CHRNA6: variants seen among roughly 807,000 people sequenced by gnomAD.
CHRNA6 encodes cholinergic receptor nicotinic alpha 6 subunit.
In CHRNA6, 31 loss-of-function variants were observed where a neutral mutation model predicts 40.9. The observed-to-expected ratio is 0.76, with a 90% CI of 0.57 to 1.02. CHRNA6 has a LOEUF of 1.02. Among genes scored for constraint, CHRNA6 ranks in the 50% least tolerant of loss-of-function variants. The pLI is 0.00. For missense variants in CHRNA6, 546 were observed against 596.6 expected (o/e 0.92, Z 0.88); for synonymous variants, 222 against 221.3 (o/e 1.00, Z -0.03).
intron 1 of CHRNA6, among the ~76,000 whole-genome samples, chr8:42,766,299 T>C (rs1412425049): frequency 1.3e-5 from 2 of 152,156 alleles, no homozygotes; most frequent in African/African-American, 4.8e-5. Context: ...GAGACCATCC[T>C]GGCTAACACG....
intron 5 of CHRNA6, 80 bp downstream of exon 5, chr8:42,755,766 T>G (rs1816788322): frequency 1.4e-6 from 2 of 1,468,376 alleles, no homozygotes; most frequent in Non-Finnish European, 1.9e-6. Flanking sequence ...AAAGTCACAC[T>G]GAAGGTCTGA....
rs778775487 is a variant in CHRNA6, at chr8:42,765,079, G to T, written c.205C>A (p.Gln69Lys). The T allele has an allele frequency of 6.2e-7, 1 of 1,613,974 alleles. No homozygotes were observed. Among genetic ancestry groups the T allele is most frequent in the African/African-American group, 1.3e-5 (1 of 74,930 alleles). ...AGGGCACTCACCACGTTGGCCAGCTGGGTGATGGCCACTTCAAAGTGTACC... is the reference window on the plus strand; with the variant it reads ...AGGGCACTCACCACGTTGGCCAGCTTGGTGATGGCCACTTCAAAGTGTACC... ...VTVHFEVAIT[Q>K]LANVDEVNQI... The change falls in exon 2 of 6, where the codon CAG (glutamine) becomes AAG (lysine). Residue 69 changes from glutamine (Q) to lysine (K), a missense_variant. Physicochemically the swap from Gln to Lys is moderately conservative, Grantham distance 53. Around this residue, in one of 3 missense-constraint regions of CHRNA6, gnomAD observed 476 missense variants for 494.5 expected, o/e 0.96. Coordinates refer to ENST00000276410, the MANE Select transcript of CHRNA6 (RefSeq NM_004198.3).
intron 1 of CHRNA6, among the ~76,000 whole-genome samples, chr8:42,766,188 C>T (rs962036766): frequency 6.6e-6 from 1 of 152,162 alleles, no homozygotes; most frequent in Non-Finnish European, 1.5e-5. Flanking sequence ...CAATGATAGA[C>T]TGGATAAAGA....
Position 42,756,268 on chromosome 8 carries a change from T to C in CHRNA6, c.931A>G (p.Met311Val). The C allele has an allele frequency of 6.2e-7, 1 of 1,614,258 alleles. No individual in the cohort carries two copies. The highest frequency in any genetic ancestry group is 1.1e-5 in the South Asian group (1 of 91,090). Residue 311 changes from methionine to valine, a missense_variant, in exon 5 of 6, where the codon ATG becomes GTG. Met to Val is a conservative substitution (Grantham distance 21, BLOSUM62 1). Transcript: ENST00000276410. ...PLVGEYLLFTMIFVTLSIVVT... is the reference protein window; with the variant it reads ...PLVGEYLLFTVIFVTLSIVVT... ...ACGATGGACAGTGTGACAAAGATCA[T>C]GGTGAACAGCAGGTACTCACCCACC...
intron 2 of CHRNA6, 57 bp from the exon 3 acceptor site, chr8:42,759,170 T>A (rs945839724): frequency 2.1e-5 from 29 of 1,371,664 alleles, no homozygotes; most frequent in Middle Eastern, 1.8e-4. Flanking sequence ...GAGGTGAGAC[T>A]TAGAGCAAAA....
chr8:42,765,545 C>G (rs1442594588), intron 1 of CHRNA6, among the ~76,000 whole-genome samples: 1 of 152,244 alleles, frequency 6.6e-6, no homozygotes, highest in African/African-American at 2.4e-5. Flanking sequence ...ACTTATGTCA[C>G]TGAAGTAACT....
intron 5 of CHRNA6, 145 bp downstream of exon 5, chr8:42,755,701 C>T: frequency 1.1e-6 from 1 of 931,428 alleles, no homozygotes; most frequent in Non-Finnish European, 1.7e-6. Flanking sequence ...CACCCATAAC[C>T]ACATAATAAC....
At position 42,757,121 on chromosome 8, in the gene CHRNA6, T is replaced by A. The variant is rs143184999; in HGVS notation, c.265-84A>T. 3,245 of 1,017,590 alleles carry A rather than the reference T, an allele frequency of 3.2e-3. 61 individuals carry two copies. The African/African-American group carries it at 0.045, about 14-fold the overall frequency. 63.0% of individuals were successfully genotyped at this position (1,017,590 alleles called of 1,614,324 possible). The stretch of plus-strand genomic sequence containing the variant: ...TGGCTCACGCCTGTAATCCCAGCAC[T>A]TTGGGAGGCCGAGGCAGGCAGGTCA... On this transcript the variant is annotated intron_variant, in intron 3 of 5. Transcript: ENST00000276410.
intron 2 of CHRNA6, among the ~76,000 whole-genome samples, chr8:42,761,368 G>A (rs751106740): frequency 6.6e-6 from 1 of 152,186 alleles, no homozygotes; most frequent in Non-Finnish European, 1.5e-5. Context: ...AGTCCAGCAG[G>A]GGCCATGTCC....
At chr8:42,765,229 G>T (rs1387982159) in intron 1 of CHRNA6, 25 bp from the exon 2 acceptor site, 1 of 1,609,870 alleles carries the variant, frequency 6.2e-7, no homozygotes, top group Admixed American at 1.7e-5. Flanking sequence ...AAAGGGGAGA[G>T]TTAGAGCCAG....
intron 5 of CHRNA6, among the ~76,000 whole-genome samples, chr8:42,755,263 C>T (rs1483249936): frequency 8.7e-6 from 1 of 114,550 alleles, no homozygotes; most frequent in Non-Finnish European, 1.6e-5. Flanking sequence ...ACTGAGGTTG[C>T]CCTGAATGTT....
In CHRNA6 at chr8:42,756,142, G is replaced by A. The variant is rs193137069; in HGVS notation, c.1057C>T (p.Leu353=). The change falls in exon 5 of 6, where the codon CTG becomes TTG. Residue 353 remains leucine (L), a synonymous_variant. Coordinates refer to ENST00000276410, the MANE Select transcript of CHRNA6 (RefSeq NM_004198.3). ...TVFLKLLPQV[L]LMRWPLDKTR... is the part of the protein sequence containing the mutation. ...TTGTCCAGAGGCCACCTCATCAGCA[G>A]GACCTGGGGCAGCAGCTTCAGGAAA... 369 of 1,614,246 alleles carry A rather than the reference G, an allele frequency of 2.3e-4. 2 individuals are homozygous for A. The East Asian group carries it at 4.9e-3, about 22-fold the overall frequency.
rs751797740 is a variant in CHRNA6 at position 42,765,049 on chromosome 8, A to T, written c.219+16T>A. The T allele has an allele frequency of 3.1e-6, 5 of 1,613,530 alleles. No homozygotes were observed. The East Asian group carries it at 6.7e-5, about 22-fold the overall frequency. ...TGTAACAATGCTGGGGAAAGCTCTG[A>T]TCAGAGGGCACTCACCACGTTGGCC... On this transcript the variant is annotated intron_variant, in intron 2 of 5. Transcript: ENST00000276410.
chr8:42,762,891 A>T (rs1183122703), intron 2 of CHRNA6, among the ~76,000 whole-genome samples: 1 of 152,174 alleles, frequency 6.6e-6, no homozygotes, highest in Non-Finnish European at 1.5e-5. Flanking sequence ...CAGAGTCTAC[A>T]AGGGATCCCT....
At chr8:42,755,477 A>T (rs1346095134) in intron 5 of CHRNA6, among the ~76,000 whole-genome samples, 1 of 152,170 alleles carries the variant, frequency 6.6e-6, no homozygotes, top group East Asian at 1.9e-4. Flanking sequence ...GGGTTTCCCC[A>T]TGTTGGCCAT....
Position 42,756,491 on chromosome 8 carries a change from A to C in CHRNA6, c.708T>G (p.Ile236Met), listed in dbSNP as rs746371215. ...IYTDITYSFYIRRLPMFYTIN... is the reference protein window; with the variant it reads ...IYTDITYSFYMRRLPMFYTIN... ...TCGTGTAAAACATCGGCAATCTTCT[A>C]ATGTAGAAAGAATAGGTTATATCTG... The change falls in exon 5 of 6, where the codon ATT (isoleucine) becomes ATG (methionine). Residue 236 changes from isoleucine to methionine, a missense_variant. Ile to Met is a conservative substitution (Grantham distance 10). Around this residue, in one of 3 missense-constraint regions of CHRNA6, gnomAD observed 476 missense variants for 494.5 expected, o/e 0.96. Coordinates refer to ENST00000276410, the MANE Select transcript of CHRNA6 (RefSeq NM_004198.3). 7 of 1,614,058 alleles carry C rather than the reference A, an allele frequency of 4.3e-6. No homozygotes were observed. In the South Asian group the frequency reaches 6.6e-5, roughly 15 times the overall value.
rs145354468 is a variant in CHRNA6 at position 42,763,388 on chromosome 8, G to C, written c.219+1677C>G. 6.6e-5 allele frequency among the ~76,000 whole-genome samples: 10 copies of C among 152,290 alleles called. No homozygotes were observed. In the East Asian group the frequency reaches 1.7e-3, roughly 26 times the overall value. ...TAACCTTTAGATTTCTGTTGCATAAGACAGGAATAAACTTGTTTTGTAAAG... is the reference window on the plus strand; with the variant it reads ...TAACCTTTAGATTTCTGTTGCATAACACAGGAATAAACTTGTTTTGTAAAG... On this transcript the variant is annotated intron_variant, in intron 2 of 5. Coordinates refer to ENST00000276410, the MANE Select transcript of CHRNA6 (RefSeq NM_004198.3).
intron 2 of CHRNA6, among the ~76,000 whole-genome samples, chr8:42,760,418 G>A (rs770950972): frequency 6.6e-6 from 1 of 151,190 alleles, no homozygotes; most frequent in Non-Finnish European, 1.5e-5. Flanking sequence ...ACTCTTATAC[G>A]TATACTCTCA....
At chr8:42,758,484 C>T (rs941733753) in intron 3 of CHRNA6, among the ~76,000 whole-genome samples, 9 of 151,978 alleles carry the variant, frequency 5.9e-5, no homozygotes, top group Admixed American at 1.3e-4. Context: ...CTCAGCCTCC[C>T]GAGTAGCTGG....
Sources: allele counts gnomAD v4.1 joint callset (sites outside exome capture counted in the v4.1 genomes callset), GRCh38; gene constraint gnomAD v4.1.1; regional missense constraint gnomAD v4.1.1; transcripts MANE v1.5; gene names NCBI Gene and HGNC (gene_info 2026-07-23, HGNC 2026-07-21).